ADGRB3: variants seen among roughly 807,000 people sequenced by gnomAD.
The protein encoded by ADGRB3 is brain-specific angiogenesis inhibitor 3.
In ADGRB3, 37 loss-of-function variants were observed where a neutral mutation model predicts 193.4. The observed-to-expected ratio is 0.19, with a 90% CI of 0.15 to 0.25. ADGRB3 has a LOEUF of 0.25. Among genes scored for constraint, ADGRB3 ranks in the 10% least tolerant of loss-of-function variants. ADGRB3 has a pLI of 1.00. For missense variants in ADGRB3, 1,637 were observed against 1,852.9 expected (o/e 0.88, Z 2.14); for synonymous variants, 690 against 644.2 (o/e 1.07, Z -1.08).
At chr6:68,918,874 G>C (rs1464343110) in intron 3 of ADGRB3, among the ~76,000 whole-genome samples, 1 of 152,068 alleles carries the variant, frequency 6.6e-6, no homozygotes, top group African/African-American at 2.4e-5. Context: ...GGATGGAGTA[G>C]AGAGGGATTA....
chr6:69,345,386 C>CA (rs1769063011), intron 26 of ADGRB3, among the ~76,000 whole-genome samples: 1 of 152,146 alleles, frequency 6.6e-6, no homozygotes, highest in African/African-American at 2.4e-5. Flanking sequence ...AACAGCACAT[C>CA]AAAAAACTTA....
At chr6:69,371,531 CCT>C (rs1208728042) in intron 29 of ADGRB3, among the ~76,000 whole-genome samples, 3 of 152,006 alleles carry the variant, frequency 2.0e-5, no homozygotes, top group East Asian at 1.9e-4. Flanking sequence ...GTTAATTCTC[CCT>C]GTTTCATTCC....
chr6:68,943,765 A>G (rs572258491), intron 5 of ADGRB3, 65 bp from the exon 6 acceptor site: 7 of 1,382,158 alleles, frequency 5.1e-6, no homozygotes, highest in African/African-American at 2.8e-5. Flanking sequence ...TTTTAATTAT[A>G]AAGAAAATGA....
chr6:68,750,252 G>T (rs1766169295), intron 3 of ADGRB3, among the ~76,000 whole-genome samples: 1 of 152,058 alleles, frequency 6.6e-6, no homozygotes, highest in Non-Finnish European at 1.5e-5. Context: ...GTTTTCTTGG[G>T]ATCACTGAAT....
At chr6:69,128,208 A>G (rs539145639) in intron 17 of ADGRB3, among the ~76,000 whole-genome samples, 1 of 152,240 alleles carries the variant, frequency 6.6e-6, no homozygotes, top group Admixed American at 6.5e-5. Flanking sequence ...GTTCACTGTC[A>G]CCTGTCTACT....
intron 23 of ADGRB3, chr6:69,332,433 T>A: frequency 1.0e-6 from 1 of 985,380 alleles, no homozygotes; most frequent in African/African-American, 1.7e-5. Context: ...CAGAAAAGAA[T>A]AACCACACAG....
At chr6:69,247,126 A>C (rs915849113) in intron 20 of ADGRB3, among the ~76,000 whole-genome samples, 2 of 152,140 alleles carry the variant, frequency 1.3e-5, no homozygotes. Context: ...CTCATCCTCC[A>C]TATCACTTTG....
chr6:69,187,488 A>G (rs1765096552), intron 17 of ADGRB3, among the ~76,000 whole-genome samples: 1 of 152,194 alleles, frequency 6.6e-6, no homozygotes, highest in African/African-American at 2.4e-5. Context: ...TGATGTTTTC[A>G]TCTTCAAAGT....
intron 20 of ADGRB3, among the ~76,000 whole-genome samples, chr6:69,276,919 TTTTA>T (rs1386760978): frequency 6.6e-6 from 1 of 152,152 alleles, no homozygotes; most frequent in Admixed American, 6.5e-5. Flanking sequence ...ATGTACAGCT[TTTTA>T]TTTGTCAACC....
intron 3 of ADGRB3, among the ~76,000 whole-genome samples, chr6:68,881,742 G>T (rs1297973938): frequency 6.6e-6 from 1 of 152,092 alleles, no homozygotes; most frequent in Non-Finnish European, 1.5e-5. Flanking sequence ...GTCTTTCAAT[G>T]GCTAGCTTTT....
At chr6:69,242,394 T>C (rs563067818) in intron 20 of ADGRB3, among the ~76,000 whole-genome samples, 4 of 152,032 alleles carry the variant, frequency 2.6e-5, no homozygotes, top group African/African-American at 7.2e-5. Flanking sequence ...TCTTAGAAAG[T>C]ATAAACATCC....
chr6:69,074,153 T>TA (rs3837011), intron 16 of ADGRB3, among the ~76,000 whole-genome samples: 6 of 150,730 alleles, frequency 4.0e-5, no homozygotes, highest in South Asian at 2.1e-4. Flanking sequence ...TCTGATTGCT[T>TA]AAAAAAAAAA....
At chr6:68,722,505 A>G (rs1336273958) in intron 3 of ADGRB3, among the ~76,000 whole-genome samples, 1 of 151,718 alleles carries the variant, frequency 6.6e-6, no homozygotes, top group Non-Finnish European at 1.5e-5. Flanking sequence ...ATCTTGAGGT[A>G]TATATTTGTG....
intron 3 of ADGRB3, among the ~76,000 whole-genome samples, chr6:68,658,861 A>T (rs1768553978): frequency 6.6e-6 from 1 of 151,092 alleles, no homozygotes; most frequent in Admixed American, 6.6e-5. Context: ...TCAAAATAAA[A>T]CTAGAATTAC....
At chr6:68,861,569 A>T (rs530244) in intron 3 of ADGRB3, among the ~76,000 whole-genome samples, 33,085 of 152,024 alleles carry the variant, frequency 0.22, 4,150 homozygotes, top group East Asian at 0.58. Flanking sequence ...CTCCAAAAAA[A>T]AAATAAATAA....
intron 20 of ADGRB3, among the ~76,000 whole-genome samples, chr6:69,277,552 A>C (rs1431663504): frequency 4.6e-5 from 7 of 152,272 alleles, no homozygotes. Context: ...AGGACTTCAG[A>C]AGGTGTGCAG....
At chr6:69,134,053 A>G (rs1327984796) in intron 17 of ADGRB3, among the ~76,000 whole-genome samples, 1 of 152,124 alleles carries the variant, frequency 6.6e-6, no homozygotes, top group Non-Finnish European at 1.5e-5. Flanking sequence ...TCCATGGTAT[A>G]CATATACCTC....
At chr6:69,327,578 C>A (rs1220606290) in intron 21 of ADGRB3, among the ~76,000 whole-genome samples, 1 of 152,060 alleles carries the variant, frequency 6.6e-6, no homozygotes, top group Non-Finnish European at 1.5e-5. Context: ...CCATTTAAAC[C>A]CGTGTCAAAT....
intron 3 of ADGRB3, among the ~76,000 whole-genome samples, chr6:68,681,606 C>G (rs570092146): frequency 9.2e-5 from 14 of 152,214 alleles, no homozygotes; most frequent in African/African-American, 2.9e-4. Flanking sequence ...AACTAAAAGG[C>G]ACTTTTTTCT....
Sources: allele counts gnomAD v4.1 joint callset (sites outside exome capture counted in the v4.1 genomes callset), GRCh38; gene constraint gnomAD v4.1.1; transcripts MANE v1.5; gene names NCBI Gene and HGNC (gene_info 2026-07-23, HGNC 2026-07-21).